The following SERINC5 variants were observed in gnomAD, a reference collection of about 807,000 sequenced individuals.
SERINC5 encodes the protein chromosome 5 open reading frame 12.
In SERINC5, 41 loss-of-function variants were observed where a neutral mutation model predicts 63.1. That is an observed-to-expected ratio of 0.65 (90% confidence interval 0.51 to 0.84). SERINC5 has a LOEUF of 0.84. Among genes scored for constraint, SERINC5 ranks in the 40% least tolerant of loss-of-function variants. SERINC5 has a pLI of 0.00. For synonymous variants in SERINC5, 222 were observed against 215.2 expected, an observed-to-expected ratio of 1.03 and a Z score of -0.28; for missense variants, 523 against 573.0, an observed-to-expected ratio of 0.91 and a Z score of 0.89.
chr5:80,152,788 A>G (rs1013638412), intron 8 of SERINC5, among the ~76,000 whole-genome samples: 43 of 152,032 alleles, frequency 2.8e-4, no homozygotes, highest in African/African-American at 1.0e-3. Flanking sequence ...TAAAAATACA[A>G]AAATTAGCCA....
At chr5:80,175,993 A>G (rs1462699471) in intron 4 of SERINC5, among the ~76,000 whole-genome samples, 2 of 152,068 alleles carry the variant, frequency 1.3e-5, no homozygotes, top group Non-Finnish European at 2.9e-5. Flanking sequence ...AGACTGGCCA[A>G]TATGGTGAAA....
intron 11 of SERINC5, among the ~76,000 whole-genome samples, chr5:80,120,896 CT>C (rs967523999): frequency 2.6e-5 from 4 of 151,744 alleles, no homozygotes; most frequent in African/African-American, 9.7e-5. Context: ...GAGGCTTTTT[CT>C]TTTTTTTGAG....
intron 2 of SERINC5, among the ~76,000 whole-genome samples, chr5:80,183,901 A>G (rs1320840024): frequency 6.6e-6 from 1 of 152,224 alleles, no homozygotes; most frequent in African/African-American, 2.4e-5. Flanking sequence ...CGCGCATGAA[A>G]GGAAGCACCC....
intron 1 of SERINC5, among the ~76,000 whole-genome samples, chr5:80,220,069 T>A (rs1030597443): frequency 2.6e-4 from 39 of 152,020 alleles, no homozygotes; most frequent in African/African-American, 7.7e-4. Context: ...ACTAGCTGGG[T>A]ATGGTGGCAC....
chr5:80,135,829 C>T (rs1334447231), downstream of SERINC5, among the ~76,000 whole-genome samples: 4 of 147,300 alleles, frequency 2.7e-5, no homozygotes, highest in Non-Finnish European at 6.0e-5. Context: ...AATCAAAAAT[C>T]AAAAGCTGGG....
chr5:80,237,683 T>C (rs1751757937), intron 1 of SERINC5, among the ~76,000 whole-genome samples: 1 of 151,374 alleles, frequency 6.6e-6, no homozygotes, highest in Non-Finnish European at 1.5e-5. Flanking sequence ...CAATCCATAA[T>C]GAAAGGCAAA....
At chr5:80,182,132 G>T (rs1284655414) in intron 2 of SERINC5, among the ~76,000 whole-genome samples, 2 of 152,150 alleles carry the variant, frequency 1.3e-5, no homozygotes, top group Non-Finnish European at 2.9e-5. Flanking sequence ...GAAGTACTAA[G>T]AAGAATTGGC....
chr5:80,138,550 C>T (rs867685735), downstream of SERINC5, among the ~76,000 whole-genome samples: 1 of 151,562 alleles, frequency 6.6e-6, no homozygotes, highest in East Asian at 1.9e-4. Context: ...GAGCCGAGAT[C>T]GCGCCACTGT....
chr5:80,128,552 G>A (rs1052373824), intron 11 of SERINC5: 1 of 152,242 alleles, frequency 6.6e-6, no homozygotes, highest in Admixed American at 6.5e-5. Flanking sequence ...TGTGGGGAGG[G>A]GAGGCAGTGA....
chr5:80,180,994 A>C (rs1014044340), intron 2 of SERINC5, among the ~76,000 whole-genome samples: 4 of 152,096 alleles, frequency 2.6e-5, no homozygotes, highest in Non-Finnish European at 5.9e-5. Flanking sequence ...GAATTTACTT[A>C]TGAGCAATTT....
chr5:80,252,974 T>A (rs1249536008), intron 1 of SERINC5, among the ~76,000 whole-genome samples: 1 of 152,212 alleles, frequency 6.6e-6, no homozygotes, highest in African/African-American at 2.4e-5. Context: ...TGACTTGCCA[T>A]TTCCATTAAA....
intron 1 of SERINC5, 44 bp from the exon 2 acceptor site, chr5:80,203,097 G>A: frequency 6.6e-7 from 1 of 1,525,022 alleles, no homozygotes; most frequent in Non-Finnish European, 8.9e-7. Context: ...ATGATACTGT[G>A]ATAGAATAAG....
intron 9 of SERINC5, among the ~76,000 whole-genome samples, chr5:80,150,478 C>T (rs1359096387): frequency 1.3e-5 from 2 of 152,228 alleles, no homozygotes; most frequent in East Asian, 3.9e-4. Flanking sequence ...CTCTATTGCC[C>T]AGGCTGGAGT....
rs1746722888 is a variant in SERINC5 at position 80,159,087 on chromosome 5, A to G, written c.860-125T>C. 1.2e-5 allele frequency: 11 copies of G among 891,274 alleles called. 1 individual carries two copies. The South Asian group carries it at 1.7e-4, about 14-fold the overall frequency. The allele number at this position is 891,274 out of a possible 1,614,324, so 55.2% of individuals were successfully genotyped here. On this transcript the variant is annotated intron_variant, in intron 7 of 11. Transcript: ENST00000507668. Reference sequence around the variant, plus strand: ...CTCCTTAGAACAGTGAACACTTATCACTGGAAACTTCTACTCTACAGGCTG... The same window carrying G: ...CTCCTTAGAACAGTGAACACTTATCGCTGGAAACTTCTACTCTACAGGCTG...
chr5:80,181,097 C>G (rs976180271), intron 2 of SERINC5, among the ~76,000 whole-genome samples: 1 of 152,184 alleles, frequency 6.6e-6, no homozygotes, highest in Non-Finnish European at 1.5e-5. Context: ...GAAGTCGCAG[C>G]TATCTACTGG....
chr5:80,129,766 T>TA (rs1266537351), intron 11 of SERINC5, among the ~76,000 whole-genome samples: 2 of 152,256 alleles, frequency 1.3e-5, no homozygotes, highest in African/African-American at 2.4e-5. Flanking sequence ...GAACTCTATT[T>TA]GAGTGATATT....
intron 1 of SERINC5, among the ~76,000 whole-genome samples, chr5:80,242,603 A>T (rs1459287115): frequency 6.6e-6 from 1 of 152,180 alleles, no homozygotes; most frequent in Non-Finnish European, 1.5e-5. Context: ...TACAAAAATT[A>T]GCCAAGTGTA....
At chr5:80,119,642 T>A (rs561976012) in intron 11 of SERINC5, among the ~76,000 whole-genome samples, 15 of 152,326 alleles carry the variant, frequency 9.8e-5, no homozygotes, top group African/African-American at 3.6e-4. Flanking sequence ...TGATCCCAAA[T>A]CCCAGAGAGG....
intron 5 of SERINC5, 116 bp downstream of exon 5, chr5:80,174,838 A>C: frequency 1.6e-6 from 1 of 613,538 alleles, no homozygotes; most frequent in Non-Finnish European, 2.9e-6. Context: ...GGTACAAAAA[A>C]GCAGGTATAA....
Sources: gnomAD v4.1 joint callset for allele counts (sites outside exome capture counted in the v4.1 genomes callset) on GRCh38, gnomAD v4.1.1 for gene constraint, MANE v1.5 for transcripts, NCBI Gene and HGNC (gene_info 2026-07-23, HGNC 2026-07-21) for gene names.